Variants in QPRT observed in about 807,000 individuals in gnomAD.
QPRT encodes the protein nicotinate-nucleotide pyrophosphorylase [carboxylating].
A neutral mutation model predicts 19.8 loss-of-function variants in QPRT; 17 were observed. The ratio of observed to expected loss-of-function variants is 0.86; its 90% CI spans 0.59 to 1.29. The LOEUF (loss-of-function observed/expected upper bound fraction) is 1.29. QPRT is among the 50% of genes most tolerant of loss of function. The probability of loss-of-function intolerance (pLI) is 0.00; values close to 1 mark genes in which losing one functional copy is unlikely to be tolerated. For synonymous variants in QPRT, 178 were observed against 191.0 expected, an observed-to-expected ratio of 0.93 and a Z score of 0.56; for missense variants, 336 against 405.1, an observed-to-expected ratio of 0.83 and a Z score of 1.46.
At chr16:29,683,308 G>A (rs1967067883) in intron 1 of QPRT, among the ~76,000 whole-genome samples, 1 of 151,680 alleles carries the variant, frequency 6.6e-6, no homozygotes, top group Admixed American at 6.6e-5. Flanking sequence ...GGGATTACAG[G>A]TGTGACCACC....
intron 1 of QPRT, among the ~76,000 whole-genome samples, chr16:29,688,969 CG>C (rs1417187564): frequency 3.3e-5 from 5 of 149,460 alleles, no homozygotes; most frequent in Admixed American, 6.7e-5. Flanking sequence ...TTAGGAGAGA[CG>C]GGGTTTCATA....
chr16:29,689,443 G>T (rs1016882691), intron 1 of QPRT, among the ~76,000 whole-genome samples: 3 of 152,034 alleles, frequency 2.0e-5, no homozygotes, highest in Admixed American at 2.0e-4. Flanking sequence ...TTATTATATA[G>T]GTAAACTTGT....
intron 1 of QPRT, among the ~76,000 whole-genome samples, chr16:29,687,230 G>A (rs1323335123): frequency 1.3e-5 from 2 of 152,120 alleles, no homozygotes; most frequent in African/African-American, 4.8e-5. Context: ...GTTTCCTCTC[G>A]ATGGGCAAAG....
At chr16:29,685,314 T>G (rs1967130005) in intron 1 of QPRT, among the ~76,000 whole-genome samples, 1 of 151,656 alleles carries the variant, frequency 6.6e-6, no homozygotes, top group Non-Finnish European at 1.5e-5. Context: ...TCTACAAAAA[T>G]ACAAAAATTA....
At chr16:29,693,688 G>C (rs1403038730) in intron 1 of QPRT, among the ~76,000 whole-genome samples, 1 of 152,102 alleles carries the variant, frequency 6.6e-6, no homozygotes, top group Non-Finnish European at 1.5e-5. Flanking sequence ...CCGGGTTCAA[G>C]CAATTCTCTT....
At chr16:29,683,063 T>G (rs1329871974) in intron 1 of QPRT, among the ~76,000 whole-genome samples, 1 of 150,978 alleles carries the variant, frequency 6.6e-6, no homozygotes, top group Non-Finnish European at 1.5e-5. Flanking sequence ...CTCACTCTGT[T>G]GCCCAGGCTG....
Position 29,679,353 on chromosome 16 carries a change from C to G in QPRT, c.13+143C>G, listed in dbSNP as rs969350229. ...TCCCGCCATCGACTCCCTTACCTAC[C>G]CCATGTCCCTGCAGCCTTGCTCAAC... On this transcript the variant is annotated intron_variant, in intron 1 of 3. Transcript: ENST00000395384. 1.5e-5 allele frequency: 9 copies of G among 594,894 alleles called. No individual in the cohort carries two copies. The South Asian group carries it at 1.6e-4, about 10-fold the overall frequency. 36.9% of individuals were successfully genotyped at this position (594,894 alleles called of 1,614,324 possible). A position where few individuals can be genotyped will look rare whatever the true frequency, so the allele number is the denominator to read the frequency against.
At chr16:29,680,809 TGC>T (rs1438455787) in intron 1 of QPRT, among the ~76,000 whole-genome samples, 23 of 151,852 alleles carry the variant, frequency 1.5e-4, no homozygotes, top group African/African-American at 5.6e-4. Context: ...AGTGTGGTGG[TGC>T]GCACCTGTAA....
chr16:29,686,545 G>A (rs1967167029), intron 1 of QPRT, among the ~76,000 whole-genome samples: 1 of 152,228 alleles, frequency 6.6e-6, no homozygotes, highest in African/African-American at 2.4e-5. Flanking sequence ...CGCCCAGGCT[G>A]GAGTGCGGTG....
upstream of QPRT, chr16:29,679,008 G>C: frequency 2.1e-6 from 2 of 940,996 alleles, no homozygotes; most frequent in Admixed American, 5.6e-5. Context: ...CCCCTCCTCT[G>C]ACTTTCAGGG....
intron 1 of QPRT, among the ~76,000 whole-genome samples, chr16:29,682,265 C>G (rs1967031219): frequency 6.6e-6 from 1 of 151,454 alleles, no homozygotes; most frequent in Non-Finnish European, 1.5e-5. Flanking sequence ...CTCAAACTCC[C>G]AGCCTCAAGC....
intron 1 of QPRT, among the ~76,000 whole-genome samples, chr16:29,690,526 G>T (rs1967295558): frequency 1.3e-5 from 2 of 151,850 alleles, no homozygotes; most frequent in African/African-American, 4.8e-5. Context: ...GATCTCGGTG[G>T]TCAACTCCTC....
At chr16:29,694,164 G>GCTGGAGTGCAGTGGC (rs966540374) in intron 1 of QPRT, among the ~76,000 whole-genome samples, 1 of 151,320 alleles carries the variant, frequency 6.6e-6, no homozygotes, top group Non-Finnish European at 1.5e-5. Flanking sequence ...TGTCACCCCG[G>GCTGGAGTGCAGTGGC]CTGGAGTGCA....
At chr16:29,681,889 G>A (rs988277391) in intron 1 of QPRT, among the ~76,000 whole-genome samples, 2 of 151,914 alleles carry the variant, frequency 1.3e-5, no homozygotes, top group African/African-American at 2.4e-5. Context: ...TTGCTGCCAT[G>A]TCCAGCTAAT....
intron 1 of QPRT, 54 bp downstream of exon 1, chr16:29,679,264 C>T: frequency 7.1e-7 from 1 of 1,403,014 alleles, no homozygotes; most frequent in Non-Finnish European, 1.0e-6. Flanking sequence ...CACTGCCTAC[C>T]CCTGCCCCCA....
chr16:29,695,063 G>A lies in QPRT; in HGVS notation c.413G>A (p.Arg138Lys). 1 of 1,606,278 alleles carries A rather than the reference G, an allele frequency of 6.2e-7. No homozygotes were observed. Among genetic ancestry groups the A allele is most frequent in the Non-Finnish European group, 8.5e-7 (1 of 1,179,024 alleles). ...AGWTGHVAGT[R>K]KTTPGFRLVE... Reference sequence around the variant, plus strand: ...TGGACTGGGCACGTGGCAGGCACGAGGAAGACCACGCCAGGCTTCCGGCTG... The same window carrying A: ...TGGACTGGGCACGTGGCAGGCACGAAGAAGACCACGCCAGGCTTCCGGCTG... The change falls in exon 2 of 4, where the codon AGG (arginine) becomes AAG (lysine). Residue 138 changes from arginine to lysine, a missense_variant. Transcript: ENST00000395384.
At chr16:29,693,910 T>G (rs1336306298) in intron 1 of QPRT, among the ~76,000 whole-genome samples, 4 of 150,870 alleles carry the variant, frequency 2.7e-5, no homozygotes, top group African/African-American at 9.8e-5. Context: ...TTTTTTTAAG[T>G]GAATTTGAAA....
intron 1 of QPRT, among the ~76,000 whole-genome samples, chr16:29,683,684 G>A (rs1949318899): frequency 6.6e-6 from 1 of 152,140 alleles, no homozygotes. Context: ...ATCCTCATGT[G>A]CATCTGAGTC....
intron 1 of QPRT, 37 bp from the exon 2 acceptor site, chr16:29,694,627 G>A: frequency 2.0e-6 from 3 of 1,508,578 alleles, no homozygotes; most frequent in Non-Finnish European, 2.7e-6. Flanking sequence ...AGCAGGAGAG[G>A]CAGCCAAACT....
Sources: gnomAD v4.1 joint callset for allele counts (sites outside exome capture counted in the v4.1 genomes callset) on GRCh38, gnomAD v4.1.1 for gene constraint, MANE v1.5 for transcripts, NCBI Gene and HGNC (gene_info 2026-07-23, HGNC 2026-07-21) for gene names.